IL4R: variants seen among roughly 807,000 people sequenced by gnomAD.
IL4R encodes the protein interleukin 4 receptor.
A neutral mutation model predicts 41.5 loss-of-function variants in IL4R; 17 were observed. That is an observed-to-expected ratio of 0.41 (90% CI 0.28 to 0.61). The LOEUF is 0.61. Ranked by LOEUF, IL4R falls within the 20% of genes least tolerant of loss-of-function variation. IL4R has a pLI of 0.31. For synonymous variants in IL4R, 402 were observed against 422.9 expected, an observed-to-expected ratio of 0.95 and a Z score of 0.61; for missense variants, 974 against 1,043.1, an observed-to-expected ratio of 0.93 and a Z score of 0.91.
chr16:27,356,101 T>C (rs1216073596), intron 8 of IL4R, among the ~76,000 whole-genome samples, 194 bp downstream of exon 8: 1 of 143,526 alleles, frequency 7.0e-6, no homozygotes, highest in Non-Finnish European at 1.5e-5. Flanking sequence ...TTTTTTTTTT[T>C]TTTTTTTTGA....
rs1229619015 is a variant in IL4R, at chr16:27,363,179, G to T, written c.1827G>T (p.Leu609=). Residue 609 remains leucine (L), a synonymous_variant, in exon 11 of 11, where the codon CTG becomes CTT. Coordinates refer to ENST00000395762, the MANE Select transcript of IL4R (RefSeq NM_000418.4). The part of the protein sequence containing the change: ...GEAGYKAFSS[L]LASSAVSPEK... ...CTGGTTACAAGGCCTTCTCAAGCCTGCTTGCCAGCAGTGCTGTGTCCCCAG... is the reference window on the plus strand; with the variant it reads ...CTGGTTACAAGGCCTTCTCAAGCCTTCTTGCCAGCAGTGCTGTGTCCCCAG... 2 of 1,611,560 alleles carry T rather than the reference G, an allele frequency of 1.2e-6. No individual in the cohort carries two copies. Among genetic ancestry groups the T allele is most frequent in the East Asian group, 4.5e-5 (2 of 44,856 alleles).
intron 1 of IL4R, among the ~76,000 whole-genome samples, chr16:27,315,090 C>G (rs1567299968): frequency 6.6e-6 from 1 of 152,296 alleles, no homozygotes; most frequent in East Asian, 1.9e-4. Context: ...TGCTCCAGTT[C>G]TAGTCTCTCC....
intron 2 of IL4R, among the ~76,000 whole-genome samples, chr16:27,336,676 CAAAA>C (rs67336687): frequency 1.5e-5 from 1 of 68,330 alleles, no homozygotes; most frequent in Non-Finnish European, 3.0e-5. Context: ...AACTCTGTCT[CAAAA>C]AAAAAAAAAA....
At chr16:27,333,390 G>A (rs1430573075) in intron 2 of IL4R, among the ~76,000 whole-genome samples, 2 of 151,986 alleles carry the variant, frequency 1.3e-5, no homozygotes, top group African/African-American at 4.8e-5. Flanking sequence ...GGTTCAGCCT[G>A]CAGTTTTAGG....
intron 1 of IL4R, among the ~76,000 whole-genome samples, chr16:27,317,557 G>A (rs962211082): frequency 3.9e-5 from 6 of 152,272 alleles, no homozygotes; most frequent in Admixed American, 3.3e-4. Flanking sequence ...GGAGCGCCCC[G>A]GCAGAGGCTT....
chr16:27,323,414 AAG>A (rs144976481), intron 1 of IL4R, among the ~76,000 whole-genome samples: 3,934 of 152,230 alleles, frequency 0.026, 166 homozygotes, highest in African/African-American at 0.089. Flanking sequence ...AGAAGCAAAA[AAG>A]AGTGGTGTAT....
At chr16:27,337,388 C>G (rs905155795) in intron 2 of IL4R, among the ~76,000 whole-genome samples, 1 of 152,044 alleles carries the variant, frequency 6.6e-6, no homozygotes, top group African/African-American at 2.4e-5. Flanking sequence ...GCCACAGAAA[C>G]ACAGCCAGAG....
At chr16:27,355,060 C>CTAGA (rs2086012271) in intron 7 of IL4R, 1 of 457,802 alleles carries the variant, frequency 2.2e-6, no homozygotes, top group African/African-American at 2.0e-5. Flanking sequence ...TAGCCCTGTG[C>CTAGA]TAGACACTGG....
intron 1 of IL4R, chr16:27,318,572 C>G (rs913989285): frequency 2.0e-5 from 3 of 152,304 alleles, no homozygotes; most frequent in Non-Finnish European, 4.4e-5. Context: ...TCTTGCCTTT[C>G]CAAGAAGTGC....
chr16:27,358,114 G>A (rs1351355554), intron 8 of IL4R, among the ~76,000 whole-genome samples: 1 of 151,878 alleles, frequency 6.6e-6, no homozygotes, highest in African/African-American at 2.4e-5. Flanking sequence ...GGCTGGTCTC[G>A]AACTTCTGAC....
intron 7 of IL4R, 58 bp from the exon 8 acceptor site, chr16:27,355,750 T>C: frequency 1.6e-6 from 2 of 1,254,570 alleles, no homozygotes; most frequent in South Asian, 1.2e-5. Context: ...TCCTGGGAAG[T>C]GGAGCCCAGG....
intron 2 of IL4R, among the ~76,000 whole-genome samples, chr16:27,339,390 G>A (rs2085366876): frequency 6.6e-6 from 1 of 152,050 alleles, no homozygotes; most frequent in Admixed American, 6.6e-5. Context: ...GACTTGTAAC[G>A]TTACTTGAGA....
chr16:27,342,082 A>C (rs370200363), intron 3 of IL4R, 39 bp from the exon 4 acceptor site: 2 of 1,606,586 alleles, frequency 1.2e-6, no homozygotes, highest in Non-Finnish European at 1.7e-6. Context: ...TCACGCATTG[A>C]GTTCCTGGGC....
chr16:27,341,975 T>C, intron 3 of IL4R, 146 bp from the exon 4 acceptor site: 1 of 790,940 alleles, frequency 1.3e-6, no homozygotes, highest in Non-Finnish European at 2.0e-6. Flanking sequence ...CCAGCAGCCC[T>C]GGTCCTGGCC....
chr16:27,347,904 C>T (rs1374569174), intron 6 of IL4R, among the ~76,000 whole-genome samples: 2 of 152,256 alleles, frequency 1.3e-5, no homozygotes, highest in Non-Finnish European at 2.9e-5. Flanking sequence ...CCCTGTTTGG[C>T]CCACATGTGT....
chr16:27,357,176 G>A (rs572183418), intron 8 of IL4R, among the ~76,000 whole-genome samples: 13 of 152,214 alleles, frequency 8.5e-5, no homozygotes, highest in East Asian at 3.9e-4. Flanking sequence ...TGGACTGATC[G>A]CCTTGCTCTG....
intron 1 of IL4R, among the ~76,000 whole-genome samples, chr16:27,319,318 A>G (rs1396676106): frequency 1.3e-5 from 2 of 152,252 alleles, no homozygotes; most frequent in Non-Finnish European, 2.9e-5. Flanking sequence ...CTCTCATGCA[A>G]ATGTTACAGA....
intron 2 of IL4R, among the ~76,000 whole-genome samples, chr16:27,330,578 G>A (rs181298816): frequency 2.3e-4 from 35 of 152,078 alleles, no homozygotes; most frequent in Admixed American, 1.1e-3. Context: ...GTTTGCGTAC[G>A]CATGTGTGGT....
At chr16:27,316,010 G>A (rs2084637696) in intron 1 of IL4R, among the ~76,000 whole-genome samples, 1 of 152,180 alleles carries the variant, frequency 6.6e-6, no homozygotes, top group Non-Finnish European at 1.5e-5. Flanking sequence ...AAAATGCCCA[G>A]GGCAAGGGTG....
Sources: gnomAD v4.1 joint callset for allele counts (sites outside exome capture counted in the v4.1 genomes callset) on GRCh38, gnomAD v4.1.1 for gene constraint, MANE v1.5 for transcripts, NCBI Gene and HGNC (gene_info 2026-07-23, HGNC 2026-07-21) for gene names.